NCOA3: variants seen among roughly 807,000 people sequenced by gnomAD.
The protein encoded by NCOA3 is nuclear receptor coactivator 3.
NCOA3 carries 51 observed loss-of-function variants against 158.8 expected under a neutral mutation model. That is an observed-to-expected ratio of 0.32 (90% CI 0.26 to 0.41). NCOA3 has a LOEUF of 0.41. NCOA3 is among the 10% of genes least tolerant of loss of function. The pLI is 1.00. For synonymous variants in NCOA3, 537 were observed against 592.4 expected (o/e 0.91, Z 1.36); for missense variants, 1,510 against 1,746.6 (o/e 0.86, Z 2.41).
At chr20:47,599,778 A>C (rs1482045825) in intron 2 of NCOA3, among the ~76,000 whole-genome samples, 2 of 152,228 alleles carry the variant, frequency 1.3e-5, no homozygotes, top group African/African-American at 2.4e-5. Context: ...TTATATGGTC[A>C]ATATGAATTC....
At chr20:47,582,557 G>C (rs898303993) in intron 1 of NCOA3, among the ~76,000 whole-genome samples, 1 of 151,092 alleles carries the variant, frequency 6.6e-6, no homozygotes, top group Non-Finnish European at 1.5e-5. Context: ...TGTGGAGATG[G>C]TGTCTTGCTA....
chr20:47,545,697 A>G (rs2084816998), intron 1 of NCOA3, among the ~76,000 whole-genome samples: 1 of 145,036 alleles, frequency 6.9e-6, no homozygotes, highest in Non-Finnish European at 1.5e-5. Flanking sequence ...GATTCCTACT[A>G]TACATATATT....
intron 1 of NCOA3, among the ~76,000 whole-genome samples, chr20:47,567,952 C>T (rs1433762200): frequency 2.0e-5 from 3 of 152,142 alleles, no homozygotes; most frequent in African/African-American, 7.2e-5. Flanking sequence ...TCAAGTGTTC[C>T]TCCAGCCTCA....
intron 2 of NCOA3, among the ~76,000 whole-genome samples, chr20:47,613,772 G>A (rs865794414): frequency 2.0e-5 from 3 of 151,922 alleles, no homozygotes; most frequent in Admixed American, 6.6e-5. Flanking sequence ...TTAGCTGGGC[G>A]TGGTGGTGGG....
chr20:47,511,556 T>TATATACACACACACATACACA (rs1569310943), intron 1 of NCOA3, among the ~76,000 whole-genome samples: 1 of 30,198 alleles, frequency 3.3e-5, no homozygotes, highest in South Asian at 1.5e-3. Flanking sequence ...TATATATATA[T>TATATACACACACACATACACA]TTCTTTTTTT....
chr20:47,560,426 G>A (rs1485780034), intron 1 of NCOA3, among the ~76,000 whole-genome samples: 3 of 152,142 alleles, frequency 2.0e-5, no homozygotes, highest in Non-Finnish European at 4.4e-5. Flanking sequence ...AAGTGTGATT[G>A]CTGGATCATA....
At chr20:47,567,046 A>T (rs1370287043) in intron 1 of NCOA3, among the ~76,000 whole-genome samples, 1 of 151,678 alleles carries the variant, frequency 6.6e-6, no homozygotes, top group African/African-American at 2.4e-5. Context: ...GTATGTATGT[A>T]TGTATGTATG....
chr20:47,510,386 TCG>T (rs1303179436), intron 1 of NCOA3, among the ~76,000 whole-genome samples: 6 of 129,330 alleles, frequency 4.6e-5, no homozygotes, highest in Admixed American at 1.0e-4. Context: ...TGAGCTGAGA[TCG>T]CGCCACTGCA....
chr20:47,506,296 T>G (rs2084030988), intron 1 of NCOA3, among the ~76,000 whole-genome samples: 1 of 152,190 alleles, frequency 6.6e-6, no homozygotes, highest in Admixed American at 6.5e-5. Flanking sequence ...TTATTTTAGG[T>G]TAAAGATGCA....
intron 1 of NCOA3, among the ~76,000 whole-genome samples, chr20:47,547,068 A>G (rs557232198): frequency 6.6e-6 from 1 of 152,280 alleles, no homozygotes; most frequent in Admixed American, 6.5e-5. Flanking sequence ...ACCTTATAGC[A>G]CTAATGCTCT....
chr20:47,588,169 T>C (rs1267559627), intron 2 of NCOA3, among the ~76,000 whole-genome samples: 1 of 130,530 alleles, frequency 7.7e-6, no homozygotes, highest in Non-Finnish European at 1.6e-5. Context: ...GAGGCAGTCT[T>C]GGTTGCTCAG....
chr20:47,551,904 T>C (rs1436456503), intron 1 of NCOA3, among the ~76,000 whole-genome samples: 1 of 152,162 alleles, frequency 6.6e-6, no homozygotes, highest in Admixed American at 6.5e-5. Context: ...TAAAAGTAAA[T>C]TGTTAGGTTT....
chr20:47,630,219 C>T (rs2086390759), intron 8 of NCOA3: 2 of 152,106 alleles, frequency 1.3e-5, no homozygotes, highest in African/African-American at 4.8e-5. Flanking sequence ...TCCCTAGTCT[C>T]CCCCTGCTAC....
chr20:47,504,144 G>A (rs2083986177), intron 1 of NCOA3, among the ~76,000 whole-genome samples: 1 of 152,142 alleles, frequency 6.6e-6, no homozygotes, highest in South Asian at 2.1e-4. Context: ...TTAACAGCTT[G>A]CCAACACTAA....
At chr20:47,609,970 T>C (rs2086018205) in intron 2 of NCOA3, among the ~76,000 whole-genome samples, 2 of 152,218 alleles carry the variant, frequency 1.3e-5, no homozygotes, top group Admixed American at 6.5e-5. Context: ...TAGCTATTTT[T>C]TGGAGAGGAA....
At chr20:47,533,256 G>A (rs1322276308) in intron 1 of NCOA3, among the ~76,000 whole-genome samples, 1 of 133,446 alleles carries the variant, frequency 7.5e-6, no homozygotes, top group African/African-American at 2.8e-5. Flanking sequence ...CTGCATTCCA[G>A]TCTAGGTGAC....
At chr20:47,593,409 G>C (rs2085685886) in intron 2 of NCOA3, among the ~76,000 whole-genome samples, 1 of 134,302 alleles carries the variant, frequency 7.4e-6, no homozygotes, top group Non-Finnish European at 1.5e-5. Context: ...GTGGTGCGTC[G>C]CGGCTCACTG....
intron 2 of NCOA3, among the ~76,000 whole-genome samples, chr20:47,584,026 T>C (rs1217820085): frequency 2.0e-5 from 3 of 152,180 alleles, no homozygotes; most frequent in Non-Finnish European, 4.4e-5. Context: ...CTCACTCATA[T>C]GCTCACAACT....
At chr20:47,544,715 T>C (rs2084800930) in intron 1 of NCOA3, among the ~76,000 whole-genome samples, 2 of 152,326 alleles carry the variant, frequency 1.3e-5, no homozygotes, top group South Asian at 4.1e-4. Context: ...CAGTTTTTTT[T>C]CCAGTTTTTA....
Sources: gnomAD v4.1 joint callset for allele counts (sites outside exome capture counted in the v4.1 genomes callset) on GRCh38, gnomAD v4.1.1 for gene constraint, MANE v1.5 for transcripts, NCBI Gene and HGNC (gene_info 2026-07-23, HGNC 2026-07-21) for gene names.